The following HECTD4 variants were observed in gnomAD, a reference collection of about 807,000 sequenced individuals.
The protein encoded by HECTD4 is probable E3 ubiquitin-protein ligase HECTD4.
HECTD4 carries 114 observed loss-of-function variants against 471.5 expected under a neutral mutation model. The ratio of observed to expected loss-of-function variants is 0.24; its 90% CI spans 0.21 to 0.28. The LOEUF (loss-of-function observed/expected upper bound fraction) is 0.28. Among genes scored for constraint, HECTD4 ranks in the 10% least tolerant of loss-of-function variants. The pLI, the probability that HECTD4 is intolerant of heterozygous loss-of-function variation, is 1.00. For missense variants in HECTD4, 3,866 were observed against 5,651.5 expected, an observed-to-expected ratio of 0.68 and a Z score of 10.13; for synonymous variants, 2,012 against 2,256.0, an observed-to-expected ratio of 0.89 and a Z score of 3.07.
intron 1 of HECTD4, among the ~76,000 whole-genome samples, chr12:112,368,893 T>A (rs1215956249): frequency 6.6e-6 from 1 of 152,198 alleles, no homozygotes; most frequent in Non-Finnish European, 1.5e-5. Flanking sequence ...GTGGAATCAC[T>A]CATGTTATTA....
In HECTD4 at chr12:112,169,624, A is replaced by G. The variant is rs376682629; in HGVS notation, c.12087T>C (p.Cys4029=). Residue 4029 remains cysteine, a synonymous_variant, in exon 70 of 76, where the codon TGT becomes TGC. Coordinates refer to ENST00000682272, the MANE Select transcript of HECTD4 (RefSeq NM_001388303.1). The part of the protein sequence containing the change: ...EIRASENSYF[C]QAARQLASVP... ...CTGAGGCCAGCTGCCTGGCAGCCTG[A>G]CAGAAGTAGGAGTTTTCAGAAGCTC... 1 of 1,613,402 alleles carries G rather than the reference A, an allele frequency of 6.2e-7. No homozygotes were observed. Among genetic ancestry groups the G allele is most frequent in the African/African-American group, 1.3e-5 (1 of 74,936 alleles).
chr12:112,357,707 T>C (rs1004353567), intron 1 of HECTD4, among the ~76,000 whole-genome samples: 1 of 152,242 alleles, frequency 6.6e-6, no homozygotes, highest in Admixed American at 6.5e-5. Context: ...TCACAAAGAT[T>C]ACATAGCATT....
Position 112,160,820 on chromosome 12 carries a change from C to T in HECTD4, c.*1567G>A, listed in dbSNP as rs890318881. On this transcript the variant is annotated 3_prime_UTR_variant, in exon 76 of 76. Coordinates refer to ENST00000682272, the MANE Select transcript of HECTD4 (RefSeq NM_001388303.1). Reference sequence around the variant, plus strand: ...GGCCGCTGGGGAGGCAGCGGGCTGACCATCTTCTTTCAAAGCAGGGGAACT... The same window carrying T: ...GGCCGCTGGGGAGGCAGCGGGCTGATCATCTTCTTTCAAAGCAGGGGAACT... The T allele has an allele frequency of 3.3e-5, 5 of 152,176 alleles. No individual in the cohort carries two copies. The highest frequency in any genetic ancestry group is 7.3e-5 in the Non-Finnish European group (5 of 68,032). 9.4% of individuals were successfully genotyped at this position (152,176 alleles called of 1,614,324 possible).
intron 1 of HECTD4, among the ~76,000 whole-genome samples, chr12:112,378,746 A>T (rs74237641): frequency 0.11 from 17,406 of 152,240 alleles, 1,212 homozygotes; most frequent in East Asian, 0.23. Context: ...GATAGCTTTT[A>T]AAAAATTAAT....
intron 52 of HECTD4, among the ~76,000 whole-genome samples, chr12:112,206,736 C>G (rs1465067881): frequency 6.6e-6 from 1 of 151,976 alleles, no homozygotes; most frequent in Non-Finnish European, 1.5e-5. Flanking sequence ...CGGGGTTTCA[C>G]CGTGTTAGCC....
chr12:112,167,428 C>T lies in HECTD4; in HGVS notation c.12423G>A (p.Leu4141=). Reference sequence around the variant, plus strand: ...TCTTCCAGAAGGAGGGCAGGAGGTCCAGGGGCAGCGGGACGTCTGCCCGAA... The same window carrying T: ...TCTTCCAGAAGGAGGGCAGGAGGTCTAGGGGCAGCGGGACGTCTGCCCGAA... ...IAIRADVPLP[L]DLLPSFWKTL... The change falls in exon 72 of 76, where the codon CTG becomes CTA. Residue 4141 remains leucine (L), a synonymous_variant. Transcript: ENST00000682272. 3.7e-6 allele frequency: 6 copies of T among 1,613,804 alleles called. No homozygotes were observed. Among genetic ancestry groups the T allele is most frequent in the Non-Finnish European group, 4.2e-6 (5 of 1,179,844 alleles).
intron 47 of HECTD4, 96 bp downstream of exon 47, chr12:112,216,677 T>C (rs1444858403): frequency 9.3e-6 from 13 of 1,401,126 alleles, no homozygotes; most frequent in Non-Finnish European, 1.3e-5. Context: ...CCAAACTCAC[T>C]TGAAGACAGA....
chr12:112,167,354 T>G lies in HECTD4; in HGVS notation c.12497A>C (p.Asp4166Ala), dbSNP rs1270318055. ...LDPEQDLQEA[D>A]ILTYNYVKKF... ...CTTGACGTAATTGTAGGTGAGGATATCCGCTTCCTGCAGGTCTTGCTCAGG... is the reference window on the plus strand; with the variant it reads ...CTTGACGTAATTGTAGGTGAGGATAGCCGCTTCCTGCAGGTCTTGCTCAGG... Residue 4166 changes from aspartate to alanine, a missense_variant, in exon 72 of 76, where the codon GAT (aspartate) becomes GCT (alanine). Asp to Ala is a moderately radical substitution (Grantham distance 126). This residue lies in a region of HECTD4 where 715 missense variants were observed against 1,087.6 expected (regional missense o/e 0.66). Coordinates refer to ENST00000682272, the MANE Select transcript of HECTD4 (RefSeq NM_001388303.1). 6.2e-7 allele frequency: 1 copy of G among 1,613,630 alleles called. No homozygotes were observed.
At chr12:112,178,809 A>C in intron 64 of HECTD4, 122 bp downstream of exon 64, 1 of 1,159,760 alleles carries the variant, frequency 8.6e-7, no homozygotes, top group Non-Finnish European at 1.2e-6. Flanking sequence ...GCGACAAAGC[A>C]TGACAAAAAA....
intron 9 of HECTD4, among the ~76,000 whole-genome samples, chr12:112,275,636 A>ATG (rs2034510741): frequency 2.0e-5 from 3 of 152,076 alleles, no homozygotes; most frequent in African/African-American, 4.8e-5. Context: ...ATATATATAT[A>ATG]TGTATTAATT....
chr12:112,337,548 T>G (rs920836000), intron 1 of HECTD4, among the ~76,000 whole-genome samples: 39 of 152,346 alleles, frequency 2.6e-4, no homozygotes, highest in African/African-American at 9.4e-4. Flanking sequence ...ACAATTCACG[T>G]AATGAGTACC....
intron 10 of HECTD4, among the ~76,000 whole-genome samples, chr12:112,274,153 A>G (rs1322812738): frequency 1.3e-5 from 2 of 152,230 alleles, no homozygotes; most frequent in African/African-American, 4.8e-5. Flanking sequence ...CTAATAACTG[A>G]GCCCAAAACT....
Position 112,235,484 on chromosome 12 carries a change from C to G in HECTD4, c.5725+20G>C. 2 of 1,592,006 alleles carry G rather than the reference C, an allele frequency of 1.3e-6. No homozygotes were observed. The highest frequency in any genetic ancestry group is 1.7e-6 in the Non-Finnish European group (2 of 1,168,828). On this transcript the variant is annotated intron_variant, in intron 36 of 75. Coordinates refer to ENST00000682272, the MANE Select transcript of HECTD4 (RefSeq NM_001388303.1). The surrounding 1 kb of genome is among the most constrained non-coding windows in gnomAD (Gnocchi z 5.0). ...GAATGCTGCACTGCCATGCTACTCT[C>G]CTGTTGAGGAGCTTCTCACCTGGAA...
At chr12:112,330,026 C>T (rs2035816458) in intron 1 of HECTD4, among the ~76,000 whole-genome samples, 1 of 151,952 alleles carries the variant, frequency 6.6e-6, no homozygotes, top group African/African-American at 2.4e-5. Context: ...CCTATAATAC[C>T]AGCACTTTGG....
At position 112,248,468 on chromosome 12, in the gene HECTD4, C is replaced by T; in HGVS notation, c.3995G>A (p.Cys1332Tyr). The T allele has an allele frequency of 1.2e-6, 2 of 1,609,590 alleles. No homozygotes were observed. The highest frequency in any genetic ancestry group is 1.7e-6 in the Non-Finnish European group (2 of 1,178,464). Residue 1332 changes from cysteine (C) to tyrosine (Y), a missense_variant, in exon 26 of 76, where the codon TGT (cysteine) becomes TAT (tyrosine). By Grantham distance (194) the Cys-to-Tyr change is radical. Coordinates refer to ENST00000682272, the MANE Select transcript of HECTD4 (RefSeq NM_001388303.1). ...AACCAAGTTCAAGTGCTTAATAACA[C>T]AAGATACCACCATTTCCTCCATCAC... Reference protein sequence around the residue: ...PDVMEEMVVSCVIKHLNLVDA... With the variant: ...PDVMEEMVVSYVIKHLNLVDA...
At chr12:112,291,851 G>A (rs896284912) in intron 7 of HECTD4, among the ~76,000 whole-genome samples, 1 of 152,094 alleles carries the variant, frequency 6.6e-6, no homozygotes, top group Non-Finnish European at 1.5e-5. Flanking sequence ...CAGCCTGGGT[G>A]ACAGAGTGAG....
chr12:112,293,996 C>G (rs1187302613), intron 7 of HECTD4, among the ~76,000 whole-genome samples: 2 of 152,230 alleles, frequency 1.3e-5, no homozygotes, highest in East Asian at 3.9e-4. Flanking sequence ...ACCTTCTGGG[C>G]TCAAGCAATC....
rs534879954 is a variant in HECTD4, at chr12:112,315,646, C to A, written c.696-1100G>T. The stretch of plus-strand genomic sequence containing the variant: ...AACAGTGAGGTTTAAAATAAAGAAG[C>A]AAAACCTTTAACATTTAGAAAGTTT... On this transcript the variant is annotated intron_variant, in intron 2 of 75. Coordinates refer to ENST00000682272, the MANE Select transcript of HECTD4 (RefSeq NM_001388303.1). 1.3e-3 allele frequency among the ~76,000 whole-genome samples: 203 copies of A among 152,214 alleles called. 3 individuals are homozygous for A. Among genetic ancestry groups the A allele is most frequent in the African/African-American group, 4.6e-3 (189 of 41,520 alleles).
In HECTD4 at chr12:112,233,826, C is replaced by T. The variant is rs114796795; in HGVS notation, c.5916-741G>A. 9.6e-3 allele frequency among the ~76,000 whole-genome samples: 1,414 copies of T among 147,066 alleles called. 22 individuals carry two copies. Among genetic ancestry groups the T allele is most frequent in the African/African-American group, 0.035 (1,348 of 38,952 alleles). ...GGAAGATTACAGGCGTGAGCCACAG[C>T]GCCTGGCCTATTTTGTTTGTTTTTT... On this transcript the variant is annotated intron_variant, in intron 37 of 75. Transcript: ENST00000682272.
Sources: gnomAD v4.1 joint callset for allele counts (sites outside exome capture counted in the v4.1 genomes callset) on GRCh38, gnomAD v4.1.1 for gene constraint, gnomAD v4.1.1 regional missense constraint, Gnocchi (gnomAD v3.1) non-coding constraint, MANE v1.5 for transcripts, NCBI Gene and HGNC (gene_info 2026-07-23, HGNC 2026-07-21) for gene names.